Variants in CWC22 observed in about 807,000 individuals in gnomAD.
CWC22 encodes the protein CWC22 spliceosome associated protein, also known as pre-mRNA-splicing factor CWC22 homolog.
In CWC22, 53 loss-of-function variants were observed where a neutral mutation model predicts 117.2. The observed-to-expected ratio is 0.45, with a 90% CI of 0.36 to 0.57. CWC22 has a LOEUF of 0.57. CWC22 is among the 20% of genes least tolerant of loss of function. The pLI is 0.00. For synonymous variants in CWC22, 360 were observed against 355.6 expected (o/e 1.01, Z -0.14); for missense variants, 980 against 1,068.8 (o/e 0.92, Z 1.16).
rs751470890 is a variant in CWC22 at position 179,945,146 on chromosome 2, G to C, written c.2710C>G (p.Pro904Ala). The change falls in exon 20 of 20, where the codon CCA (proline) becomes GCA (alanine). Residue 904 changes from proline (P) to alanine (A), a missense_variant. This residue lies in a region of CWC22 where 306 missense variants were observed against 296.8 expected (regional missense o/e 1.03). Transcript: ENST00000410053. The stretch of plus-strand genomic sequence containing the variant: ...TTGTAGAATTATTTTTGTTTTGCTG[G>C]AGACTTTTCTCTTCGCCGGTCCTGA... The part of the protein sequence containing the change: ...KNQDRRREKS[P>A]AKQK 5.0e-6 allele frequency: 8 copies of C among 1,593,966 alleles called. No homozygotes were observed. In the South Asian group the frequency reaches 8.1e-5, roughly 16 times the overall value.
chr2:179,993,747 T>C (rs1188810073), intron 1 of CWC22, among the ~76,000 whole-genome samples: 1 of 152,074 alleles, frequency 6.6e-6, no homozygotes, highest in Admixed American at 6.5e-5. Context: ...AAAAATGTTC[T>C]CATAGTGAGG....
rs190459918 is a variant in CWC22 at position 180,004,841 on chromosome 2, G to A, written c.-114+2026C>T. 2.6e-3 allele frequency among the ~76,000 whole-genome samples: 401 copies of A among 152,156 alleles called. 4 individuals carry two copies. The highest frequency in any genetic ancestry group is 9.1e-3 in the African/African-American group (376 of 41,482). On this transcript the variant is annotated intron_variant, in intron 1 of 19. Transcript: ENST00000410053. ...ATTGGAGGTACCCTATCCAAAGCAG[G>A]GAAGGATGTGGTGGAATAATAATAA...
Position 179,954,699 on chromosome 2 carries a change from TGTC to T in CWC22, c.1536+255_1536+257del, listed in dbSNP as rs370299091. ...AGATTTTGAAAAGACAGCATTTACTTGTCGTCTATTGGGAAATCATTACAAATC... is the reference window on the plus strand; with the variant it reads ...AGATTTTGAAAAGACAGCATTTACTTGTCTATTGGGAAATCATTACAAATC... On this transcript the variant is annotated intron_variant, in intron 15 of 19. Coordinates refer to ENST00000410053, the MANE Select transcript of CWC22 (RefSeq NM_020943.3). Among the ~76,000 whole-genome samples, 51 of 152,130 alleles carry T rather than the reference TGTC, an allele frequency of 3.4e-4. No homozygotes were observed. In the East Asian group the frequency reaches 8.1e-3, roughly 24 times the overall value.
At chr2:179,995,373 A>G (rs1294095522) in intron 1 of CWC22, among the ~76,000 whole-genome samples, 1 of 152,214 alleles carries the variant, frequency 6.6e-6, no homozygotes, top group Non-Finnish European at 1.5e-5. Flanking sequence ...TACCTTAAAC[A>G]GTCTATTCTG....
chr2:180,005,020 T>A (rs1300341016), intron 1 of CWC22, among the ~76,000 whole-genome samples: 2 of 148,636 alleles, frequency 1.3e-5, no homozygotes, highest in East Asian at 2.0e-4. Context: ...TCGAATGCTT[T>A]CGGAAAAAAA....
intron 13 of CWC22, among the ~76,000 whole-genome samples, chr2:179,963,374 G>T (rs1226031426): frequency 3.8e-5 from 4 of 106,398 alleles, no homozygotes; most frequent in Non-Finnish European, 5.1e-5. Flanking sequence ...ACGGAGTCTC[G>T]CTCTGTCGCC....
rs1687427878 is a variant in CWC22, at chr2:179,986,743, T to C, written c.158A>G (p.Tyr53Cys). The change falls in exon 4 of 20, where the codon TAT becomes TGT. Residue 53 changes from tyrosine (Y) to cysteine (C), a missense_variant. Physicochemically the swap from Tyr to Cys is radical, Grantham distance 194 (BLOSUM62 -2). Transcript: ENST00000410053. ...RDYFDYSRSD[Y>C]EHSRRGRSYD... is the part of the protein sequence containing the mutation. ...AGAACGTCCTCTTCTTGAATGCTCA[T>C]AGTCTGATCTGCTGTAATCAAAGTA... 1.9e-6 allele frequency: 3 copies of C among 1,609,588 alleles called. No individual in the cohort carries two copies. The highest frequency in any genetic ancestry group is 1.3e-5 in the African/African-American group (1 of 74,846).
At chr2:179,994,846 T>C (rs956053669) in intron 1 of CWC22, among the ~76,000 whole-genome samples, 1 of 152,212 alleles carries the variant, frequency 6.6e-6, no homozygotes, top group East Asian at 1.9e-4. Flanking sequence ...CTTTTCTTTA[T>C]GTATCTTTTT....
At chr2:179,996,725 G>A (rs72962517) in intron 1 of CWC22, among the ~76,000 whole-genome samples, 13,482 of 151,556 alleles carry the variant, frequency 0.089, 715 homozygotes, top group Non-Finnish European at 0.13. Context: ...ACTTAAACAC[G>A]GTAAAGATGG....
chr2:179,994,015 CAT>C (rs747669916), intron 1 of CWC22, among the ~76,000 whole-genome samples: 2 of 152,142 alleles, frequency 1.3e-5, no homozygotes, highest in African/African-American at 4.8e-5. Context: ...GATATATGCA[CAT>C]ATGAGAACTA....
At chr2:179,976,345 T>C (rs117838539) in intron 6 of CWC22, among the ~76,000 whole-genome samples, 1 of 152,264 alleles carries the variant, frequency 6.6e-6, no homozygotes, top group East Asian at 1.9e-4. Context: ...TCTGAGACAC[T>C]GGTATGGTTA....
At chr2:179,947,133 A>G (rs992533995) in intron 19 of CWC22, among the ~76,000 whole-genome samples, 6 of 152,230 alleles carry the variant, frequency 3.9e-5, no homozygotes, top group Admixed American at 1.3e-4. Context: ...AGAAAGAGAA[A>G]ATATGATAGA....
At chr2:180,005,257 C>A (rs1340037296) in intron 1 of CWC22, among the ~76,000 whole-genome samples, 1 of 152,196 alleles carries the variant, frequency 6.6e-6, no homozygotes, top group Non-Finnish European at 1.5e-5. Flanking sequence ...TTGGGAAAGA[C>A]TCCATTAAAG....
At chr2:179,995,303 G>A (rs1024265474) in intron 1 of CWC22, among the ~76,000 whole-genome samples, 9 of 152,076 alleles carry the variant, frequency 5.9e-5, no homozygotes, top group African/African-American at 2.2e-4. Flanking sequence ...AATAAGTTAC[G>A]TAAAACACTT....
At chr2:179,954,143 C>A in intron 16 of CWC22, 62 bp downstream of exon 16, 6 of 1,327,444 alleles carry the variant, frequency 4.5e-6, no homozygotes. Context: ...CTAGCTTATA[C>A]GAAAATCTAT....
chr2:179,981,717 T>C, intron 5 of CWC22, 35 bp downstream of exon 5: 1 of 1,566,292 alleles, frequency 6.4e-7, no homozygotes, highest in Non-Finnish European at 8.8e-7. Context: ...CAATGACAAT[T>C]TCATGGCTTT....
At chr2:179,994,011 T>C (rs1193502048) in intron 1 of CWC22, among the ~76,000 whole-genome samples, 1 of 152,204 alleles carries the variant, frequency 6.6e-6, no homozygotes, top group Admixed American at 6.5e-5. Flanking sequence ...TTCAGATATA[T>C]GCACATATGA....
At chr2:179,986,646 A>G in intron 4 of CWC22, 49 bp downstream of exon 4, 1 of 1,032,910 alleles carries the variant, frequency 9.7e-7, no homozygotes, top group Non-Finnish European at 1.5e-6. Context: ...GCATAAAGAG[A>G]GTTTAAACAA....
At chr2:179,987,024 C>G (rs542825801) in intron 3 of CWC22, among the ~76,000 whole-genome samples, 1 of 152,136 alleles carries the variant, frequency 6.6e-6, no homozygotes. Context: ...ATTCACTTAA[C>G]CAAACTTACT....
Sources: allele counts gnomAD v4.1 joint callset (sites outside exome capture counted in the v4.1 genomes callset), GRCh38; gene constraint gnomAD v4.1.1; regional missense constraint gnomAD v4.1.1; transcripts MANE v1.5; gene names NCBI Gene and HGNC (gene_info 2026-07-23, HGNC 2026-07-21).